The following OR51B5 variants were observed in gnomAD, a reference collection of about 807,000 sequenced individuals.
OR51B5 encodes olfactory receptor family 51 subfamily B member 5.
For missense variants in OR51B5, 456 were observed against 374.6 expected, an observed-to-expected ratio of 1.22 and a Z score of -1.79; for synonymous variants, 186 against 144.8, an observed-to-expected ratio of 1.28 and a Z score of -2.04.
chr11:5,441,621 A>G, intron 1 of OR51B5: 1 of 816,078 alleles, frequency 1.2e-6, no homozygotes, highest in South Asian at 1.7e-5. Flanking sequence ...ATTGAAAATG[A>G]TTGCCTGTAT....
chr11:5,497,352 C>CA (rs1162565981), intron 1 of OR51B5, among the ~76,000 whole-genome samples: 1 of 152,182 alleles, frequency 6.6e-6, no homozygotes. Flanking sequence ...GCAGAGGTTG[C>CA]AGTGAGCTGA....
intron 1 of OR51B5, among the ~76,000 whole-genome samples, chr11:5,363,263 A>T (rs1383876839): frequency 1.7e-5 from 2 of 117,090 alleles, no homozygotes; most frequent in Non-Finnish European, 4.1e-5. Flanking sequence ...ACACACACAC[A>T]CACACACACA....
intron 1 of OR51B5, among the ~76,000 whole-genome samples, chr11:5,463,994 C>T (rs548216777): frequency 1.3e-5 from 2 of 152,300 alleles, no homozygotes; most frequent in East Asian, 1.9e-4. Context: ...TTAGAACCAA[C>T]CACAGTGCTA....
intron 1 of OR51B5, among the ~76,000 whole-genome samples, chr11:5,445,731 A>C (rs1421161558): frequency 6.6e-6 from 1 of 151,494 alleles, no homozygotes; most frequent in Non-Finnish European, 1.5e-5. Context: ...AGACTTGTGC[A>C]GTATATGTCT....
intron 1 of OR51B5, among the ~76,000 whole-genome samples, chr11:5,360,209 C>T (rs1849259501): frequency 6.6e-6 from 1 of 151,694 alleles, no homozygotes; most frequent in Admixed American, 6.6e-5. Flanking sequence ...GAACAGGCAA[C>T]ATACAGAATG....
At chr11:5,421,282 G>A (rs1436188109) in intron 1 of OR51B5, among the ~76,000 whole-genome samples, 4 of 152,176 alleles carry the variant, frequency 2.6e-5, no homozygotes, top group African/African-American at 9.7e-5. Context: ...GGCTTATACC[G>A]CACCTGCTCT....
intron 1 of OR51B5, among the ~76,000 whole-genome samples, chr11:5,483,299 C>T (rs3964493): frequency 0.32 from 39,763 of 124,864 alleles, 6,837 homozygotes; most frequent in East Asian, 0.48. Context: ...TAGGTGGGAA[C>T]TGAACAATGA....
intron 1 of OR51B5, among the ~76,000 whole-genome samples, chr11:5,464,354 T>C (rs926186454): frequency 2.6e-5 from 4 of 152,128 alleles, no homozygotes; most frequent in African/African-American, 9.7e-5. Context: ...TAGTTACATA[T>C]GTATACATGT....
intron 1 of OR51B5, among the ~76,000 whole-genome samples, chr11:5,492,836 T>C (rs1044101576): frequency 6.6e-6 from 1 of 152,144 alleles, no homozygotes; most frequent in Non-Finnish European, 1.5e-5. Context: ...AGTTTCACCA[T>C]GTTGACCAGG....
At chr11:5,381,729 C>G (rs1192135543) in intron 1 of OR51B5, among the ~76,000 whole-genome samples, 2 of 152,024 alleles carry the variant, frequency 1.3e-5, no homozygotes, top group Non-Finnish European at 2.9e-5. Context: ...TATGATAAAA[C>G]AAATCTAAAG....
At position 5,390,515 on chromosome 11, in the gene OR51B5, T is replaced by C. The variant is rs556443590; in HGVS notation, n.85-43605A>G. 110 of 675,046 alleles carry C rather than the reference T, an allele frequency of 1.6e-4. No homozygotes were observed. The African/African-American group carries it at 1.9e-3, about 11-fold the overall frequency. The allele number at this position is 675,046 out of a possible 1,614,324, so 41.8% of individuals were successfully genotyped here. On this transcript the variant is annotated intron_variant and non_coding_transcript_variant, in intron 1 of 4. Coordinates refer to the OR51B5 transcript ENST00000415970. ...TAAATAAAATATGGGCAAATTTATG[T>C]CTGGAGTTGTGGCTTTAAAAAACTG...
upstream of OR51B5, chr11:5,346,854 G>A (rs1382745751): frequency 2.0e-5 from 3 of 152,140 alleles, no homozygotes; most frequent in Non-Finnish European, 2.9e-5. Context: ...TGGTGAGGAA[G>A]AGCAGGGTTC....
At chr11:5,477,858 C>T (rs959820785) in intron 1 of OR51B5, among the ~76,000 whole-genome samples, 1 of 152,154 alleles carries the variant, frequency 6.6e-6, no homozygotes, top group Non-Finnish European at 1.5e-5. Flanking sequence ...CTCGGAGGGT[C>T]CTACGCCCAC....
At chr11:5,373,206 C>A (rs148400274) in intron 1 of OR51B5, among the ~76,000 whole-genome samples, 1 of 152,262 alleles carries the variant, frequency 6.6e-6, no homozygotes, top group African/African-American at 2.4e-5. Flanking sequence ...AATCACAAAA[C>A]TCCTGGAAGA....
In OR51B5 at chr11:5,489,252, T is replaced by C. The variant is rs369535940; in HGVS notation, n.84+16317A>G. 111 of 1,614,068 alleles carry C rather than the reference T, an allele frequency of 6.9e-5. 1 individual carries two copies. The South Asian group carries it at 7.6e-4, about 11-fold the overall frequency. On this transcript the variant is annotated intron_variant and non_coding_transcript_variant, in intron 1 of 4. Coordinates refer to the OR51B5 transcript ENST00000415970. ...ACCGTGTCATGACACACACATACTG[T>C]GAGCATATGGGCATTGCCCGACTGG...
At chr11:5,358,822 T>C (rs1199156153) in intron 1 of OR51B5, among the ~76,000 whole-genome samples, 1 of 152,200 alleles carries the variant, frequency 6.6e-6, no homozygotes, top group East Asian at 1.9e-4. Flanking sequence ...ATCCCTGGGA[T>C]GCAAGGCTGG....
intron 1 of OR51B5, chr11:5,489,386 C>A (rs1313995278): frequency 1.9e-6 from 3 of 1,613,930 alleles, no homozygotes; most frequent in Non-Finnish European, 2.5e-6. Context: ...ATCCTCCATG[C>A]AGTCTTTCAT....
chr11:5,350,885 T>C (rs1849071226), intron 1 of OR51B5, among the ~76,000 whole-genome samples: 1 of 152,214 alleles, frequency 6.6e-6, no homozygotes, highest in Non-Finnish European at 1.5e-5. Flanking sequence ...CAAAAGTCTC[T>C]GGAGCTTCAT....
chr11:5,376,743 T>TC (rs1453290801), intron 1 of OR51B5, among the ~76,000 whole-genome samples: 1 of 151,656 alleles, frequency 6.6e-6, no homozygotes, highest in Non-Finnish European at 1.5e-5. Flanking sequence ...ACATACACTA[T>TC]CCCAAGACTA....
Sources: gnomAD v4.1 joint callset for allele counts (sites outside exome capture counted in the v4.1 genomes callset) on GRCh38, gnomAD v4.1.1 for gene constraint, MANE v1.5 for transcripts, NCBI Gene and HGNC (gene_info 2026-07-23, HGNC 2026-07-21) for gene names.